The following NME2 variants were observed in gnomAD, a reference collection of about 807,000 sequenced individuals.
NME2 encodes nucleoside diphosphate kinase B.
A neutral mutation model predicts 17.8 loss-of-function variants in NME2; 18 were observed. The observed-to-expected ratio is 1.01, with a 90% CI of 0.70 to 1.50. The LOEUF (loss-of-function observed/expected upper bound fraction) is 1.50, where lower values mean the gene tolerates loss of function less well. NME2 is among the 40% of genes most tolerant of loss of function. The pLI, the probability that NME2 is intolerant of heterozygous loss-of-function variation, is 0.00. For synonymous variants in NME2, 74 were observed against 71.4 expected, an observed-to-expected ratio of 1.04 and a Z score of -0.19; for missense variants, 161 against 195.6, an observed-to-expected ratio of 0.82 and a Z score of 1.05.
rs1407478213 is a variant in NME2, at chr17:51,169,990, C to T, written c.282C>T (p.Thr94=). 1.1e-5 allele frequency: 18 copies of T among 1,613,216 alleles called. No homozygotes were observed. Among genetic ancestry groups the T allele is most frequent in the Non-Finnish European group, 1.4e-5 (17 of 1,179,768 alleles). The change falls in exon 4 of 5, where the codon ACC becomes ACT. Residue 94 remains threonine, a synonymous_variant. Transcript: ENST00000512737. ...VKTGRVMLGE[T]NPADSKPGTI... is the part of the protein sequence containing the mutation. ...CAGGCCGAGTGATGCTTGGGGAGAC[C>T]AATCCAGCAGATTCAAAGCCAGGCA...
chr17:51,168,176 G>GGTTC, intron 2 of NME2, 66 bp from the exon 3 acceptor site: 1 of 1,526,898 alleles, frequency 6.5e-7, no homozygotes, highest in South Asian at 1.2e-5. Flanking sequence ...GCTAATGGGA[G>GGTTC]GTTCAGAGGA....
chr17:51,168,722 T>C (rs1487231094), intron 3 of NME2, among the ~76,000 whole-genome samples: 1 of 151,562 alleles, frequency 6.6e-6, no homozygotes, highest in African/African-American at 2.4e-5. Flanking sequence ...GTCTCTATGG[T>C]TAAATAGAAT....
At chr17:51,166,770 T>C in intron 1 of NME2, 57 bp from the exon 2 acceptor site, 2 of 1,494,990 alleles carry the variant, frequency 1.3e-6, no homozygotes, top group Non-Finnish European at 1.8e-6. Flanking sequence ...CCACGTGGCC[T>C]CCGCGGGCCC....
In NME2 at chr17:51,167,089, C is replaced by A. The variant is rs573013874; in HGVS notation, c.126+133C>A. ...GAAATCCCTTTGCCCTCTGCCCCCG[C>A]CCACGGCGGCTTGGGCCCGCCGACC... On this transcript the variant is annotated intron_variant, in intron 2 of 4. Transcript: ENST00000512737. 7.7e-6 allele frequency: 12 copies of A among 1,549,392 alleles called. No homozygotes were observed. The African/African-American group carries it at 1.5e-4, about 20-fold the overall frequency.
At chr17:51,170,131 G>T (rs1164805342) in intron 4 of NME2, 82 bp downstream of exon 4, 60 of 868,770 alleles carry the variant, frequency 6.9e-5, no homozygotes, top group Non-Finnish European at 9.2e-5. Context: ...ACTTTCAGAA[G>T]AATCTGTGCC....
At position 51,171,535 on chromosome 17, in the gene NME2, C is replaced by T. The variant is rs1486345330; in HGVS notation, c.390C>T (p.Ile130=). The change falls in exon 5 of 5, where the codon ATC becomes ATT. Residue 130 remains isoleucine (I), a synonymous_variant. Coordinates refer to ENST00000512737, the MANE Select transcript of NME2 (RefSeq NM_002512.4). ...SDSVKSAEKE[I]SLWFKPEELV... ...CAGTAAAAAGTGCTGAAAAAGAAAT[C>T]AGCCTATGGTTTAAGCCTGAAGAAC... 2 of 1,613,778 alleles carry T rather than the reference C, an allele frequency of 1.2e-6. No homozygotes were observed. The highest frequency in any genetic ancestry group is 1.3e-5 in the African/African-American group (1 of 75,034).
At chr17:51,166,526 G>A (rs1233245407) in intron 1 of NME2, 29 bp downstream of exon 1, 4 of 195,950 alleles carry the variant, frequency 2.0e-5, no homozygotes, top group African/African-American at 7.0e-5. Context: ...ATCCCCTGGC[G>A]ACTCCTCCCG....
chr17:51,166,667 C>T lies in NME2; in HGVS notation c.-4-160C>T, dbSNP rs543797095. The T allele has an allele frequency of 7.8e-5, 51 of 650,852 alleles. No homozygotes were observed. In the East Asian group the frequency reaches 2.1e-3, roughly 26 times the overall value. The allele number at this position is 650,852 out of a possible 1,614,324, so 40.3% of individuals were successfully genotyped here. A position where few individuals can be genotyped will look rare whatever the true frequency, so the allele number is the denominator to read the frequency against. ...GCGCCCCGCGGGCCTTCGGGCTCCG[C>T]AGAGGGACGCCGGCCCTGCGCGGGG... is the stretch of plus-strand genomic sequence containing the variant. On this transcript the variant is annotated intron_variant, in intron 1 of 4. Transcript: ENST00000512737.
Position 51,171,699 on chromosome 17 carries a change from A to G in NME2, c.*95A>G, listed in dbSNP as rs1334342904. 3.3e-6 allele frequency: 3 copies of G among 917,690 alleles called. No homozygotes were observed. The highest frequency in any genetic ancestry group is 5.1e-6 in the Non-Finnish European group (3 of 584,146). 56.8% of individuals were successfully genotyped at this position (917,690 alleles called of 1,614,324 possible). The stretch of plus-strand genomic sequence containing the variant: ...TGACTTAGAGGCAACAGGATTGATC[A>G]TTCTTTTATAGAGCATATTTGCCAA... On this transcript the variant is annotated 3_prime_UTR_variant, in exon 5 of 5. Transcript: ENST00000512737.
intron 2 of NME2, 79 bp downstream of exon 2, chr17:51,167,035 T>G (rs2049958488): frequency 6.2e-7 from 1 of 1,606,470 alleles, no homozygotes; most frequent in East Asian, 2.3e-5. Context: ...TTTGTCCGCG[T>G]CTGCTTTCCG....
chr17:51,166,108 G>A (rs1022277830), upstream of NME2, among the ~76,000 whole-genome samples: 3 of 127,530 alleles, frequency 2.4e-5, no homozygotes, highest in African/African-American at 9.9e-5. Flanking sequence ...GAGCACAGGA[G>A]CAGGTTCTGT....
At chr17:51,168,495 A>G in intron 3 of NME2, 152 bp downstream of exon 3, 1 of 722,282 alleles carries the variant, frequency 1.4e-6, no homozygotes, top group Non-Finnish European at 2.2e-6. Context: ...GGAGAAAGCA[A>G]ATCAGACCTT....
At chr17:51,165,707 T>G (rs1598245525), upstream of NME2, 1 of 151,836 alleles carries the variant, frequency 6.6e-6, no homozygotes, top group African/African-American at 2.4e-5. Context: ...CATGTCAGGG[T>G]GGGAGTGGGG....
intron 1 of NME2, 80 bp from the exon 2 acceptor site, chr17:51,166,747 G>A (rs2049947712): frequency 1.4e-6 from 2 of 1,406,198 alleles, no homozygotes; most frequent in South Asian, 1.5e-5. Flanking sequence ...GGGGGAGGAG[G>A]GACCGGCGGC....
intron 4 of NME2, among the ~76,000 whole-genome samples, chr17:51,171,096 T>G (rs911746296): frequency 2.0e-5 from 3 of 152,206 alleles, no homozygotes; most frequent in African/African-American, 7.2e-5. Flanking sequence ...CAAATCAGTG[T>G]TATAAGAAAA....
At position 51,169,681 on chromosome 17, in the gene NME2, A is replaced by G. The variant is rs895364151; in HGVS notation, c.229-256A>G. The G allele has an allele frequency of 1.0e-4, 40 of 393,254 alleles. No homozygotes were observed. The Admixed American group carries it at 1.2e-3, about 12-fold the overall frequency. 24.4% of individuals were successfully genotyped at this position (393,254 alleles called of 1,614,324 possible). A position where few individuals can be genotyped will look rare whatever the true frequency, so the allele number is the denominator to read the frequency against. ...CCAGTTCTTCTGTGTTGATGGCTGC[A>G]TAAGGATTCTGCAACATTGTTTATC... On this transcript the variant is annotated intron_variant, in intron 3 of 4. Transcript: ENST00000512737.
chr17:51,171,710 G>C lies in NME2; in HGVS notation c.*106G>C, dbSNP rs536810996. The C allele has an allele frequency of 8.3e-5, 69 of 830,158 alleles. No individual in the cohort carries two copies. In the African/African-American group the frequency reaches 1.1e-3, roughly 13 times the overall value. 51.4% of individuals were successfully genotyped at this position (830,158 alleles called of 1,614,324 possible). ...CAACAGGATTGATCATTCTTTTATA[G>C]AGCATATTTGCCAATAAAGCTTTTG... is the stretch of plus-strand genomic sequence containing the variant. On this transcript the variant is annotated 3_prime_UTR_variant, in exon 5 of 5. Transcript: ENST00000512737.
At chr17:51,170,744 G>A (rs1012208619) in intron 4 of NME2, among the ~76,000 whole-genome samples, 24 of 142,196 alleles carry the variant, frequency 1.7e-4, no homozygotes, top group African/African-American at 5.0e-4. Context: ...CTAAGATCAC[G>A]CCACTGCACT....
At chr17:51,166,569 C>T (rs934398346) in intron 1 of NME2, 72 bp downstream of exon 1, 3 of 254,160 alleles carry the variant, frequency 1.2e-5, no homozygotes, top group Non-Finnish European at 2.2e-5. Context: ...CGCAGGTGGG[C>T]CCGGTCTGTG....
Sources: allele counts gnomAD v4.1 joint callset (sites outside exome capture counted in the v4.1 genomes callset), GRCh38; gene constraint gnomAD v4.1.1; transcripts MANE v1.5; gene names NCBI Gene and HGNC (gene_info 2026-07-23, HGNC 2026-07-21).